Variants in PCDHGB1 observed in about 807,000 individuals in gnomAD.
The protein encoded by PCDHGB1 is protocadherin gamma-B1.
Under a neutral mutation model 56.6 loss-of-function variants are expected in PCDHGB1, and 34 were observed. That is an observed-to-expected ratio of 0.60 (90% CI 0.46 to 0.80). The LOEUF (loss-of-function observed/expected upper bound fraction) is 0.80, where lower values mean the gene tolerates loss of function less well. PCDHGB1 is among the 30% of genes least tolerant of loss of function. The probability of loss-of-function intolerance (pLI) is 0.00; values close to 1 mark genes in which losing one functional copy is unlikely to be tolerated. For missense variants in PCDHGB1, 1,278 were observed against 1,204.6 expected (o/e 1.06, Z -0.90); for synonymous variants, 561 against 505.9 (o/e 1.11, Z -1.46).
chr5:141,372,122 T>C, intron 1 of PCDHGB1: 1 of 1,613,748 alleles, frequency 6.2e-7, no homozygotes, highest in Non-Finnish European at 8.5e-7. Context: ...CGCTCTTCGA[T>C]ATGGTGCCGC....
intron 1 of PCDHGB1, chr5:141,392,663 A>C: frequency 1.2e-6 from 1 of 810,712 alleles, no homozygotes; most frequent in Non-Finnish European, 1.8e-6. Flanking sequence ...GATGCCACAA[A>C]CTAACTGCTG....
Position 141,489,242 on chromosome 5 carries a change from T to C in PCDHGB1, c.2410-5565T>C. ...TCTCCACAAAGGGACTTCTGGGTCA[T>C]GGGGCCCAAGACACTCCCACAGCTC... On this transcript the variant is annotated intron_variant, in intron 1 of 3. Transcript: ENST00000523390. This position sits in a 1 kb window ranked among gnomAD's most constrained non-coding sequence, Gnocchi z 4.5. 6.5e-7 allele frequency: 1 copy of C among 1,534,502 alleles called. No individual in the cohort carries two copies. The highest frequency in any genetic ancestry group is 8.8e-7 in the Non-Finnish European group (1 of 1,141,994).
At chr5:141,454,557 C>T (rs191373514) in intron 1 of PCDHGB1, among the ~76,000 whole-genome samples, 8 of 152,160 alleles carry the variant, frequency 5.3e-5, no homozygotes, top group Admixed American at 5.2e-4. Flanking sequence ...CAGGCATGTG[C>T]CACCACGCCC....
At chr5:141,500,360 T>C (rs1224064939) in intron 2 of PCDHGB1, among the ~76,000 whole-genome samples, 1 of 151,664 alleles carries the variant, frequency 6.6e-6, no homozygotes, top group Non-Finnish European at 1.5e-5. Context: ...AGGCGCCCAC[T>C]ACCACGCCCG....
chr5:141,464,306 A>G (rs1438401635), intron 1 of PCDHGB1, among the ~76,000 whole-genome samples: 3 of 150,952 alleles, frequency 2.0e-5, no homozygotes. Context: ...TTGTATGTGC[A>G]CATATCATTA....
chr5:141,388,937 C>T, intron 1 of PCDHGB1: 1 of 1,613,964 alleles, frequency 6.2e-7, no homozygotes, highest in Non-Finnish European at 8.5e-7. Context: ...AGTCTCTACC[C>T]AACCTAATTA....
At chr5:141,382,787 T>A in intron 1 of PCDHGB1, 1 of 906,454 alleles carries the variant, frequency 1.1e-6, no homozygotes, top group Non-Finnish European at 1.7e-6. Context: ...CTCAAGCCTC[T>A]ATCCTGCTGG....
chr5:141,469,284 A>G lies in PCDHGB1; in HGVS notation c.2410-25523A>G, dbSNP rs192391622. On this transcript the variant is annotated intron_variant, in intron 1 of 3. Transcript: ENST00000523390. ...AGAGCAAGACCCCATCTCAAAAAAT[A>G]AAACAAAATAGACTGGGCACGATGG... Among the ~76,000 whole-genome samples, 595 of 152,012 alleles carry G rather than the reference A, an allele frequency of 3.9e-3. 6 individuals are homozygous for G. The highest frequency in any genetic ancestry group is 0.011 in the Admixed American group (171 of 15,260).
At chr5:141,384,906 C>G (rs767972748) in intron 1 of PCDHGB1, 3 of 1,613,882 alleles carry the variant, frequency 1.9e-6, no homozygotes, top group East Asian at 4.5e-5. Flanking sequence ...ACAGCATCCC[C>G]GAAGTCTTGG....
intron 1 of PCDHGB1, among the ~76,000 whole-genome samples, chr5:141,387,359 C>A (rs2150333777): frequency 6.6e-6 from 1 of 152,208 alleles, no homozygotes; most frequent in East Asian, 1.9e-4. Flanking sequence ...TAGGCCAAGT[C>A]TGTGTTATGG....
chr5:141,397,172 G>C (rs1407642752), intron 1 of PCDHGB1, among the ~76,000 whole-genome samples: 3 of 152,128 alleles, frequency 2.0e-5, no homozygotes, highest in Non-Finnish European at 2.9e-5. Flanking sequence ...TAACTCTTAA[G>C]AATGAATTTA....
At chr5:141,402,827 G>C in intron 1 of PCDHGB1, 10 of 1,330,136 alleles carry the variant, frequency 7.5e-6, no homozygotes, top group Non-Finnish European at 9.9e-6. Context: ...CTGCTCCCAG[G>C]CTGCAGCAAA....
intron 1 of PCDHGB1, chr5:141,427,267 A>C (rs1361287845): frequency 6.6e-6 from 3 of 456,648 alleles, no homozygotes; most frequent in Non-Finnish European, 1.3e-5. Flanking sequence ...ATGACCAGCG[A>C]ATGTAAAATT....
chr5:141,473,193 A>G (rs938175797), intron 1 of PCDHGB1, among the ~76,000 whole-genome samples: 2 of 152,232 alleles, frequency 1.3e-5, no homozygotes, highest in African/African-American at 4.8e-5. Flanking sequence ...GAGTAAATGT[A>G]TCTTCTAAAA....
At chr5:141,362,666 G>T in intron 1 of PCDHGB1, 1 of 1,321,002 alleles carries the variant, frequency 7.6e-7, no homozygotes, top group South Asian at 1.5e-5. Flanking sequence ...GGCCAATGTT[G>T]TGCCTTAATT....
intron 1 of PCDHGB1, among the ~76,000 whole-genome samples, chr5:141,457,632 G>A (rs919693977): frequency 6.6e-6 from 1 of 152,142 alleles, no homozygotes; most frequent in African/African-American, 2.4e-5. Flanking sequence ...CTTATACTTG[G>A]CCTGATTATT....
In PCDHGB1 at chr5:141,476,776, G is replaced by A. The variant is rs764674164; in HGVS notation, c.2410-18031G>A. 9.3e-6 allele frequency: 15 copies of A among 1,612,744 alleles called. No homozygotes were observed. The highest frequency in any genetic ancestry group is 1.3e-5 in the Non-Finnish European group (15 of 1,179,218). On this transcript the variant is annotated intron_variant, in intron 1 of 3. Coordinates refer to ENST00000523390, the MANE Select transcript of PCDHGB1 (RefSeq NM_018922.3). This position sits in a 1 kb window ranked among gnomAD's most constrained non-coding sequence, Gnocchi z 7.6. ...TAGTGCTGACGGCGTTGGACGGAGG[G>A]ACCCCAGCTCTCTCCGCCAGCCTGC...
chr5:141,401,546 ATGCTATT>A (rs1372970930), intron 1 of PCDHGB1, among the ~76,000 whole-genome samples: 1 of 152,214 alleles, frequency 6.6e-6, no homozygotes, highest in African/African-American at 2.4e-5. Context: ...AAAAAAGGAA[ATGCTATT>A]GCCTGAATTT....
At chr5:141,356,983 G>A (rs1401972827) in intron 1 of PCDHGB1, 2 of 1,614,118 alleles carry the variant, frequency 1.2e-6, no homozygotes, top group Non-Finnish European at 1.7e-6. Context: ...GGTGGCAGTG[G>A]ACAGAGACTC....
Sources: allele counts gnomAD v4.1 joint callset (sites outside exome capture counted in the v4.1 genomes callset), GRCh38; gene constraint gnomAD v4.1.1; non-coding constraint Gnocchi (gnomAD v3.1); transcripts MANE v1.5; gene names NCBI Gene and HGNC (gene_info 2026-07-23, HGNC 2026-07-21).